The following CCDC112 variants were observed in gnomAD, a reference collection of about 807,000 sequenced individuals.
CCDC112 encodes coiled-coil domain-containing protein 112.
In CCDC112, 40 loss-of-function variants were observed where a neutral mutation model predicts 66.3. That is an observed-to-expected ratio of 0.60 (90% CI 0.47 to 0.79). The LOEUF is 0.79. CCDC112 is among the 30% of genes least tolerant of loss of function. The pLI is 0.00. For missense variants in CCDC112, 659 were observed against 603.8 expected (o/e 1.09, Z -0.96); for synonymous variants, 214 against 197.2 (o/e 1.09, Z -0.71).
At chr5:115,274,780 G>T (rs1749134775) in intron 6 of CCDC112, among the ~76,000 whole-genome samples, 1 of 151,934 alleles carries the variant, frequency 6.6e-6, no homozygotes, top group Non-Finnish European at 1.5e-5. Context: ...ACTAGGTCTC[G>T]CTCAGGCTAG....
rs747808262 is a variant in CCDC112 at position 115,296,589 on chromosome 5, G to C, written c.-46C>G. On this transcript the variant is annotated 5_prime_UTR_variant, in exon 1 of 10. Coordinates refer to ENST00000379611, the MANE Select transcript of CCDC112 (RefSeq NM_001040440.3). ...GGGCCGCGGCGGCCACCGGTGCCTG[G>C]GGATTCGTGGCAGGCGCACCCTGGC... 6.3e-6 allele frequency: 9 copies of C among 1,421,840 alleles called. No individual in the cohort carries two copies. The African/African-American group carries it at 1.2e-4, about 19-fold the overall frequency. 88.1% of individuals were successfully genotyped at this position (1,421,840 alleles called of 1,614,324 possible). A position where few individuals can be genotyped will look rare whatever the true frequency, so the allele number is the denominator to read the frequency against.
At chr5:115,272,590 C>T (rs935873771) in intron 6 of CCDC112, among the ~76,000 whole-genome samples, 8 of 152,162 alleles carry the variant, frequency 5.3e-5, no homozygotes, top group Non-Finnish European at 1.2e-4. Context: ...AATAAAACAG[C>T]TCAATAGCTA....
chr5:115,292,844 C>A (rs1046522055), intron 1 of CCDC112, among the ~76,000 whole-genome samples: 1 of 152,210 alleles, frequency 6.6e-6, no homozygotes, highest in African/African-American at 2.4e-5. Context: ...CTGAAGCATA[C>A]CTCCTACATG....
chr5:115,277,420 C>T (rs1749254071), intron 3 of CCDC112, among the ~76,000 whole-genome samples: 1 of 151,984 alleles, frequency 6.6e-6, no homozygotes, highest in Admixed American at 6.6e-5. Context: ...TTTGTTATAA[C>T]TTATGGAAAT....
rs982579661 is a variant in CCDC112, at chr5:115,285,048, T to G, written c.118-140A>C. ...GCCAATCTCACTTAACTCTTAAAAG[T>G]ACATTTGTGGAAGAAGGAGTATCTA... On this transcript the variant is annotated intron_variant, in intron 1 of 9. Coordinates refer to ENST00000379611, the MANE Select transcript of CCDC112 (RefSeq NM_001040440.3). The G allele has an allele frequency of 7.5e-6, 5 of 666,658 alleles. No individual in the cohort carries two copies. In the East Asian group the frequency reaches 1.3e-4, roughly 18 times the overall value. The allele number at this position is 666,658 out of a possible 1,614,324, so 41.3% of individuals were successfully genotyped here. A position where few individuals can be genotyped will look rare whatever the true frequency, so the allele number is the denominator to read the frequency against.
intron 1 of CCDC112, chr5:115,295,949 C>T (rs1750135190): frequency 1.0e-6 from 1 of 985,990 alleles, no homozygotes; most frequent in Admixed American, 6.1e-5. Flanking sequence ...AAGCCGATCA[C>T]TGGAAACACC....
intron 2 of CCDC112, among the ~76,000 whole-genome samples, chr5:115,280,025 T>C (rs1749384219): frequency 6.6e-6 from 1 of 152,226 alleles, no homozygotes; most frequent in South Asian, 2.1e-4. Context: ...AAAATGTGGA[T>C]ATACATTTGC....
chr5:115,277,960 TA>T (rs1749279292), intron 3 of CCDC112, among the ~76,000 whole-genome samples: 4 of 152,148 alleles, frequency 2.6e-5, no homozygotes, highest in Admixed American at 6.5e-5. Context: ...TAAAAGTAAT[TA>T]TTTTTTTAAG....
At chr5:115,279,991 T>C (rs1749383139) in intron 2 of CCDC112, among the ~76,000 whole-genome samples, 1 of 152,208 alleles carries the variant, frequency 6.6e-6, no homozygotes, top group Admixed American at 6.5e-5. Context: ...AACTGCTATG[T>C]AAATCATAAA....
In CCDC112 at chr5:115,267,766, T is replaced by C; in HGVS notation, c.*110A>G. ...CCTCTCAATTCACAATATAGCACAA[T>C]AATCAATCTGACTAAGCTATTGATA... On this transcript the variant is annotated 3_prime_UTR_variant, in exon 10 of 10. Transcript: ENST00000379611. The C allele has an allele frequency of 1.2e-6, 1 of 868,444 alleles. No individual in the cohort carries two copies. The highest frequency in any genetic ancestry group is 1.9e-5 in the Admixed American group (1 of 51,732). The allele number at this position is 868,444 out of a possible 1,614,324, so 53.8% of individuals were successfully genotyped here.
rs867861817 is a variant in CCDC112, at chr5:115,274,610, G to A, written c.918+606C>T. 3.3e-5 allele frequency among the ~76,000 whole-genome samples: 5 copies of A among 152,114 alleles called. No homozygotes were observed. In the South Asian group the frequency reaches 8.3e-4, roughly 25 times the overall value. On this transcript the variant is annotated intron_variant, in intron 6 of 9. Transcript: ENST00000379611. ...GTGGATCTGGATTGCTCACATTTCT[G>A]AGAAGTGGATACGGAGGACTGGACC...
intron 5 of CCDC112, 104 bp downstream of exon 5, chr5:115,275,890 T>G (rs1205527167): frequency 1.2e-5 from 10 of 826,286 alleles, no homozygotes; most frequent in South Asian, 1.7e-5. Flanking sequence ...TGTATAAGAC[T>G]CAAATACATA....
At position 115,267,926 on chromosome 5, in the gene CCDC112, G is replaced by A; in HGVS notation, c.1548-8C>T. ...CTCCAGGTTGGAATAGCCCTAAGGA[G>A]AAAAAGAGAAAAGCAATTGTAAATA... On this transcript the variant is annotated splice_polypyrimidine_tract_variant and splice_region_variant and intron_variant, in intron 9 of 9. Transcript: ENST00000379611. 6.2e-7 allele frequency: 1 copy of A among 1,602,444 alleles called. No individual in the cohort carries two copies. Among genetic ancestry groups the A allele is most frequent in the Non-Finnish European group, 8.5e-7 (1 of 1,171,676 alleles).
At chr5:115,269,025 C>A (rs774109726) in intron 8 of CCDC112, 25 bp from the exon 9 acceptor site, 3 of 1,357,432 alleles carry the variant, frequency 2.2e-6, no homozygotes, top group African/African-American at 1.5e-5. Context: ...AAAATAGTAC[C>A]AGTTAATTAT....
intron 7 of CCDC112, among the ~76,000 whole-genome samples, chr5:115,270,693 G>T (rs1748959602): frequency 6.6e-6 from 1 of 152,094 alleles, no homozygotes; most frequent in Admixed American, 6.5e-5. Flanking sequence ...AGCCAGTTTG[G>T]CAGAGAAGAC....
intron 2 of CCDC112, among the ~76,000 whole-genome samples, chr5:115,283,249 A>G (rs1386352156): frequency 6.6e-6 from 1 of 151,982 alleles, no homozygotes; most frequent in Non-Finnish European, 1.5e-5. Flanking sequence ...TATAACTTGT[A>G]CCCTTTGACC....
intron 1 of CCDC112, among the ~76,000 whole-genome samples, chr5:115,287,696 CTTTTTT>C (rs778702533): frequency 3.5e-5 from 3 of 84,718 alleles, no homozygotes; most frequent in Admixed American, 2.9e-4. Context: ...ATCCCCTTTC[CTTTTTT>C]TTTTTTTTTT....
In CCDC112 at chr5:115,277,260, T is replaced by A. The variant is rs200957343; in HGVS notation, c.362-206A>T. 31 of 432,154 alleles carry A rather than the reference T, an allele frequency of 7.2e-5. No homozygotes were observed. The East Asian group carries it at 9.3e-4, about 13-fold the overall frequency. 26.8% of individuals were successfully genotyped at this position (432,154 alleles called of 1,614,324 possible). On this transcript the variant is annotated intron_variant, in intron 3 of 9. Transcript: ENST00000379611. ...CAATATCTTTCAATATTTAAAAGCA[T>A]AATGGGTTAAGTCTTACTATAACCC... is the stretch of plus-strand genomic sequence containing the variant.
intron 2 of CCDC112, among the ~76,000 whole-genome samples, chr5:115,282,801 G>A (rs1322193014): frequency 6.6e-6 from 1 of 151,920 alleles, no homozygotes; most frequent in Non-Finnish European, 1.5e-5. Context: ...TTTGATTCTT[G>A]AACCATGTAA....
Sources: allele counts gnomAD v4.1 joint callset (sites outside exome capture counted in the v4.1 genomes callset), GRCh38; gene constraint gnomAD v4.1.1; transcripts MANE v1.5; gene names NCBI Gene and HGNC (gene_info 2026-07-23, HGNC 2026-07-21).